Variants in MYH16 observed in about 807,000 individuals in gnomAD.
MYH16 encodes the protein myosin heavy chain 16, also known as putative uncharacterized protein MYH16.
intron 37 of MYH16, among the ~76,000 whole-genome samples, chr7:99,300,721 G>A (rs1353154757): frequency 6.6e-6 from 1 of 152,100 alleles, no homozygotes; most frequent in East Asian, 1.9e-4. Context: ...TGGAAGGATC[G>A]CTTGAGCCCA....
chr7:99,277,947 C>G (rs868034304), intron 21 of MYH16, among the ~76,000 whole-genome samples: 1,615 of 136,734 alleles, frequency 0.012, 21 homozygotes, highest in African/African-American at 0.044. Context: ...GACAGACAGA[C>G]AGACAGACAG....
intron 2 of MYH16, among the ~76,000 whole-genome samples, chr7:99,243,581 G>A (rs1157030996): frequency 2.6e-5 from 4 of 152,166 alleles, no homozygotes; most frequent in African/African-American, 9.7e-5. Context: ...TGACATGTTA[G>A]AATTTCCACC....
At chr7:99,284,707 G>A (rs1366854482) in intron 25 of MYH16, 138 bp from the exon 8 acceptor site, 32 of 390,222 alleles carry the variant, frequency 8.2e-5, no homozygotes, top group Middle Eastern at 8.5e-4. Flanking sequence ...TGTCACTACA[G>A]AAGGCCAGAA....
chr7:99,271,406 G>A (rs569916966), intron 19 of MYH16, among the ~76,000 whole-genome samples: 1 of 152,330 alleles, frequency 6.6e-6, no homozygotes, highest in Admixed American at 6.5e-5. Flanking sequence ...CTACTGGGGA[G>A]GTTGAGGCAG....
rs548526794 is a variant in MYH16 at position 99,247,927 on chromosome 7, C to T, written n.511+177C>T. ...CAGCTGCTGCTACCAGGTGCCAGGGCTCAGTGAGTGTGCTGGGCACTTGCT... is the reference window on the plus strand; with the variant it reads ...CAGCTGCTGCTACCAGGTGCCAGGGTTCAGTGAGTGTGCTGGGCACTTGCT... On this transcript the variant is annotated intron_variant and non_coding_transcript_variant, in intron 3 of 41. Transcript: ENST00000439784. Among the ~76,000 whole-genome samples, 3 of 152,258 alleles carry T rather than the reference C, an allele frequency of 2.0e-5. No individual in the cohort carries two copies. In the East Asian group the frequency reaches 5.8e-4, roughly 29 times the overall value.
At chr7:99,303,573 G>A (rs1268281454) in intron 39 of MYH16, among the ~76,000 whole-genome samples, 2 of 152,346 alleles carry the variant, frequency 1.3e-5, no homozygotes, top group South Asian at 2.1e-4. Context: ...GGCCAAGGCA[G>A]CAGGACTGCT....
At chr7:99,285,027 C>T (rs1379199342) in intron 26 of MYH16, 92 bp downstream of exon 8, 1 of 446,702 alleles carries the variant, frequency 2.2e-6, no homozygotes, top group Non-Finnish European at 4.5e-6. Flanking sequence ...GCTGAGGTTT[C>T]CTGAGGAGCA....
chr7:99,310,492 C>T (rs1239906735), downstream of MYH16, among the ~76,000 whole-genome samples: 1 of 152,204 alleles, frequency 6.6e-6, no homozygotes, highest in Non-Finnish European at 1.5e-5. Flanking sequence ...ACTCTGAGCC[C>T]ACTCAATGAC....
At chr7:99,247,289 C>T (rs1450088100) in intron 2 of MYH16, among the ~76,000 whole-genome samples, 1 of 152,210 alleles carries the variant, frequency 6.6e-6, no homozygotes. Context: ...TCTCCTGCCT[C>T]AGCCTTCCAA....
intron 2 of MYH16, among the ~76,000 whole-genome samples, chr7:99,245,663 G>T (rs1232098734): frequency 6.6e-6 from 1 of 152,096 alleles, no homozygotes; most frequent in Non-Finnish European, 1.5e-5. Context: ...CAGAAGCTGG[G>T]ATTACAAACT....
intron 20 of MYH16, among the ~76,000 whole-genome samples, chr7:99,277,078 A>G (rs187671071): frequency 6.6e-6 from 1 of 152,034 alleles, no homozygotes; most frequent in East Asian, 1.9e-4. Context: ...AGAGAGAAAC[A>G]GTGGGCGAGT....
exon 18 of MYH16, chr7:99,266,893 C>T (rs532693474): frequency 3.3e-5 from 5 of 152,650 alleles, no homozygotes; most frequent in East Asian, 1.9e-4. Flanking sequence ...CCCAGGGGTT[C>T]GTGGACAACA....
At chr7:99,276,635 T>C (rs972003159) in intron 20 of MYH16, among the ~76,000 whole-genome samples, 1 of 152,178 alleles carries the variant, frequency 6.6e-6, no homozygotes, top group Non-Finnish European at 1.5e-5. Context: ...CCCAGCCCTA[T>C]AGACACAGGT....
chr7:99,269,448 G>A (rs891314752), intron 18 of MYH16, among the ~76,000 whole-genome samples: 4 of 151,828 alleles, frequency 2.6e-5, no homozygotes, highest in Admixed American at 1.3e-4. Context: ...GCTAATTTTT[G>A]TATTTTTTAT....
rs566758237 is a variant in MYH16, at chr7:99,267,241, C to CGTTTT, written n.2266+282_2266+286dup. On this transcript the variant is annotated intron_variant and non_coding_transcript_variant, in intron 18 of 41. Transcript: ENST00000439784. ...TGGTAGAATATTTCTTAGAACCCTA[C>CGTTTT]GTTTTGTTTTGTTTTGTTTGAGACA... Among the ~76,000 whole-genome samples the CGTTTT allele has an allele frequency of 6.6e-4, 101 of 152,274 alleles. No individual in the cohort carries two copies. The East Asian group carries it at 0.018, about 27-fold the overall frequency.
chr7:99,277,935 G>GAGAGAC (rs1554337693), intron 21 of MYH16, among the ~76,000 whole-genome samples: 125 of 143,870 alleles, frequency 8.7e-4, no homozygotes, highest in Non-Finnish European at 1.7e-3. Context: ...GAGAGAGAGA[G>GAGAGAC]AGACAGACAG....
chr7:99,246,491 C>T (rs1192653091), intron 2 of MYH16, among the ~76,000 whole-genome samples: 1 of 152,126 alleles, frequency 6.6e-6, no homozygotes, highest in Non-Finnish European at 1.5e-5. Context: ...CCCTTGAGGT[C>T]AGGAGTTTGT....
chr7:99,239,630 T>C (rs930398244), intron 1 of MYH16, among the ~76,000 whole-genome samples: 1 of 152,142 alleles, frequency 6.6e-6, no homozygotes, highest in Non-Finnish European at 1.5e-5. Flanking sequence ...TGGCTTATCG[T>C]GGATTGCAGG....
At chr7:99,284,410 G>A (rs752849564) in intron 25 of MYH16, among the ~76,000 whole-genome samples, 2 of 152,136 alleles carry the variant, frequency 1.3e-5, no homozygotes, top group African/African-American at 2.4e-5. Flanking sequence ...GGGCAACATA[G>A]CAAGACCCCG....
Sources: gnomAD v4.1 joint callset for allele counts (sites outside exome capture counted in the v4.1 genomes callset) on GRCh38, gnomAD v4.1.1 for gene constraint, MANE v1.5 for transcripts, NCBI Gene and HGNC (gene_info 2026-07-23, HGNC 2026-07-21) for gene names.